The following TASOR variants were observed in gnomAD, a reference collection of about 807,000 sequenced individuals.
TASOR encodes transcription activation suppressor, also known as protein TASOR.
Under a neutral mutation model 178.6 loss-of-function variants are expected in TASOR, and 53 were observed. That is an observed-to-expected ratio of 0.30 (90% confidence interval 0.24 to 0.37). The LOEUF is 0.37. TASOR is among the 10% of genes least tolerant of loss of function. The pLI is 1.00. For missense variants in TASOR, 1,815 were observed against 1,971.4 expected, an observed-to-expected ratio of 0.92 and a Z score of 1.50; for synonymous variants, 713 against 696.2, an observed-to-expected ratio of 1.02 and a Z score of -0.38.
rs2107481869 is a variant in TASOR, at chr3:56,620,602, A to G, written c.*2435T>C. On this transcript the variant is annotated 3_prime_UTR_variant, in exon 24 of 24. Coordinates refer to ENST00000683822, the MANE Select transcript of TASOR (RefSeq NM_001365635.2). ...TGTTGACTCAGATGTTTTTCCCTCT[A>G]CAGAACTAGAAAATTGTCCCCCCAC... is the stretch of plus-strand genomic sequence containing the variant. The G allele has an allele frequency of 6.6e-6, 1 of 152,306 alleles. No individual in the cohort carries two copies. The allele number at this position is 152,306 out of a possible 1,614,324, so 9.4% of individuals were successfully genotyped here. A position where few individuals can be genotyped will look rare whatever the true frequency, so the allele number is the denominator to read the frequency against.
At chr3:56,642,431 A>T (rs1026059928) in intron 14 of TASOR, among the ~76,000 whole-genome samples, 3 of 152,244 alleles carry the variant, frequency 2.0e-5, no homozygotes, top group Non-Finnish European at 4.4e-5. Flanking sequence ...TAAAGGGCGC[A>T]AACATTCAGA....
In TASOR at chr3:56,680,050, A is replaced by G. The variant is rs535451521; in HGVS notation, c.331+2626T>C. Among the ~76,000 whole-genome samples the G allele has an allele frequency of 6.6e-5, 10 of 152,284 alleles. No individual in the cohort carries two copies. In the South Asian group the frequency reaches 1.9e-3, roughly 28 times the overall value. ...TTTCTATATTTAATGAAGGGGGGGA[A>G]CAGTTTTTGTTACTAACAGGTCAGG... On this transcript the variant is annotated intron_variant, in intron 1 of 23. Transcript: ENST00000683822.
At chr3:56,674,766 G>A (rs951722130) in intron 1 of TASOR, among the ~76,000 whole-genome samples, 4 of 152,154 alleles carry the variant, frequency 2.6e-5, no homozygotes, top group Non-Finnish European at 5.9e-5. Flanking sequence ...TATGCCACAT[G>A]CCACACTAGA....
At chr3:56,634,586 CAA>C (rs1239298500) in intron 17 of TASOR, among the ~76,000 whole-genome samples, 5 of 152,144 alleles carry the variant, frequency 3.3e-5, no homozygotes, top group Non-Finnish European at 7.4e-5. Context: ...AATAATAAGA[CAA>C]GAGAAGAACA....
chr3:56,654,191 C>A (rs923459822), intron 11 of TASOR, among the ~76,000 whole-genome samples: 1 of 151,846 alleles, frequency 6.6e-6, no homozygotes, highest in Admixed American at 6.6e-5. Context: ...CCCTTGAACC[C>A]GGGAGGCAGA....
In TASOR at chr3:56,620,516, G is replaced by A. The variant is rs2076296358; in HGVS notation, c.*2521C>T. On this transcript the variant is annotated 3_prime_UTR_variant, in exon 24 of 24. Transcript: ENST00000683822. ...ACTCTCTGTACTTGAGGAAGAGTAA[G>A]CTGTGTTTAAAAGTGCCCTTTTCCA... 1 of 152,190 alleles carries A rather than the reference G, an allele frequency of 6.6e-6. No homozygotes were observed. Among genetic ancestry groups the A allele is most frequent in the Non-Finnish European group, 1.5e-5 (1 of 68,060 alleles). 9.4% of individuals were successfully genotyped at this position (152,190 alleles called of 1,614,324 possible).
rs530258048 is a variant in TASOR at position 56,669,869 on chromosome 3, A to C, written c.644-78T>G. 5 of 1,110,674 alleles carry C rather than the reference A, an allele frequency of 4.5e-6. No individual in the cohort carries two copies. In the African/African-American group the frequency reaches 4.8e-5, roughly 11 times the overall value. The allele number at this position is 1,110,674 out of a possible 1,614,324, so 68.8% of individuals were successfully genotyped here. On this transcript the variant is annotated intron_variant, in intron 4 of 23. Coordinates refer to ENST00000683822, the MANE Select transcript of TASOR (RefSeq NM_001365635.2). ...GGACTAAAATAAGACATTTTTAAGA[A>C]GTTATCCTTCATCAATTTGAGGTGT...
chr3:56,643,772 A>AC (rs1559829118), intron 14 of TASOR, among the ~76,000 whole-genome samples: 2 of 149,638 alleles, frequency 1.3e-5, no homozygotes, highest in African/African-American at 2.5e-5. Context: ...AAAAAAACAA[A>AC]AAAAAAAGTT....
chr3:56,633,356 G>A lies in TASOR; in HGVS notation c.3435C>T (p.Thr1145=). The stretch of plus-strand genomic sequence containing the variant: ...AAGTGGAATGCTGCTCATCAGAGTT[G>A]GTATCTTTCAAAGGATCACTACACA... ...EPLCSDPLKD[T]NSDEQHSTSA... is the part of the protein sequence containing the mutation. Residue 1145 remains threonine (T), a synonymous_variant, in exon 18 of 24, where the codon ACC becomes ACT. Transcript: ENST00000683822. 1.2e-6 allele frequency: 2 copies of A among 1,614,100 alleles called. No homozygotes were observed. The highest frequency in any genetic ancestry group is 1.7e-6 in the Non-Finnish European group (2 of 1,180,018).
intron 17 of TASOR, among the ~76,000 whole-genome samples, chr3:56,638,266 G>A (rs1430222993): frequency 6.6e-6 from 1 of 152,112 alleles, no homozygotes; most frequent in Non-Finnish European, 1.5e-5. Context: ...TTGGGAGGCT[G>A]AGGAAGGTGA....
At chr3:56,639,410 CAAAAA>C (rs66863926) in intron 16 of TASOR, among the ~76,000 whole-genome samples, 1 of 148,780 alleles carries the variant, frequency 6.7e-6, no homozygotes, top group Non-Finnish European at 1.5e-5. Flanking sequence ...AGAATGCTAC[CAAAAA>C]AAAAAAAAGA....
At chr3:56,668,285 A>C in intron 6 of TASOR, 112 bp downstream of exon 6, 1 of 962,966 alleles carries the variant, frequency 1.0e-6, no homozygotes, top group Non-Finnish European at 1.5e-6. Flanking sequence ...ATATGCAGAC[A>C]CCAGAGTCTA....
At chr3:56,648,963 T>G (rs749712263) in intron 12 of TASOR, 22 bp downstream of exon 12, 3 of 1,599,052 alleles carry the variant, frequency 1.9e-6, no homozygotes, top group African/African-American at 2.7e-5. Flanking sequence ...TTGTAAAAAT[T>G]TATTAAAGAG....
intron 14 of TASOR, among the ~76,000 whole-genome samples, chr3:56,642,147 G>A (rs1376309446): frequency 6.6e-6 from 1 of 152,146 alleles, no homozygotes; most frequent in African/African-American, 2.4e-5. Flanking sequence ...CTAAAAAAAT[G>A]ACAATTTGAT....
chr3:56,640,282 T>C, intron 15 of TASOR, 152 bp from the exon 16 acceptor site: 1 of 658,530 alleles, frequency 1.5e-6, no homozygotes, highest in Non-Finnish European at 2.5e-6. Context: ...AGTTTCAAAA[T>C]TAAAACATCT....
intron 16 of TASOR, 29 bp downstream of exon 16, chr3:56,639,957 A>C (rs1159853572): frequency 1.9e-6 from 3 of 1,580,910 alleles, no homozygotes; most frequent in Non-Finnish European, 2.6e-6. Context: ...AAAATGAAGC[A>C]AACACAAGTC....
In TASOR at chr3:56,637,581, G is replaced by A. The variant is rs577883878; in HGVS notation, c.2824+1125C>T. ...CTATGTTATATATCTGTTGTTCATGGTTTCTTTTTTTTTTTAACCACATTT... is the reference window on the plus strand; with the variant it reads ...CTATGTTATATATCTGTTGTTCATGATTTCTTTTTTTTTTTAACCACATTT... On this transcript the variant is annotated intron_variant, in intron 17 of 23. Transcript: ENST00000683822. 1.2e-4 allele frequency among the ~76,000 whole-genome samples: 12 copies of A among 101,644 alleles called. No individual in the cohort carries two copies. The East Asian group carries it at 1.0e-2, about 84-fold the overall frequency. The allele number at this position is 101,644 out of a possible 152,430, so 66.7% of individuals were successfully genotyped here.
At chr3:56,665,166 A>G (rs1330313897) in intron 7 of TASOR, among the ~76,000 whole-genome samples, 5 of 151,950 alleles carry the variant, frequency 3.3e-5, no homozygotes, top group African/African-American at 1.2e-4. Context: ...TTGTCTCTAA[A>G]GAGGAAAAAA....
At chr3:56,682,653 T>C (rs1427502643) in intron 1 of TASOR, 23 bp downstream of exon 1, 1 of 1,436,340 alleles carries the variant, frequency 7.0e-7, no homozygotes, top group Non-Finnish European at 9.2e-7. Flanking sequence ...AGAGAGGGGG[T>C]TGAGAAGAAG....
Sources: allele counts gnomAD v4.1 joint callset (sites outside exome capture counted in the v4.1 genomes callset), GRCh38; gene constraint gnomAD v4.1.1; transcripts MANE v1.5; gene names NCBI Gene and HGNC (gene_info 2026-07-23, HGNC 2026-07-21).